BMPR1A: variants seen among roughly 807,000 people sequenced by gnomAD.
BMPR1A encodes bone morphogenetic protein receptor type-1A.
Under a neutral mutation model 66.0 loss-of-function variants are expected in BMPR1A, and 7 were observed. The observed-to-expected ratio is 0.11, with a 90% confidence interval of 0.06 to 0.20. The LOEUF is 0.20. Among genes scored for constraint, BMPR1A ranks in the 10% least tolerant of loss-of-function variants. The probability of loss-of-function intolerance (pLI) is 1.00; values close to 1 mark genes in which losing one functional copy is unlikely to be tolerated. For missense variants in BMPR1A, 408 were observed against 669.1 expected, an observed-to-expected ratio of 0.61 and a Z score of 4.31; for synonymous variants, 200 against 229.7, an observed-to-expected ratio of 0.87 and a Z score of 1.17.
intron 2 of BMPR1A, among the ~76,000 whole-genome samples, chr10:86,848,803 C>T (rs553645157): frequency 6.6e-6 from 1 of 152,226 alleles, no homozygotes; most frequent in Admixed American, 6.5e-5. Flanking sequence ...GTAATTTTTC[C>T]AGCAACCCAG....
At chr10:86,862,157 C>G (rs921592557) in intron 2 of BMPR1A, among the ~76,000 whole-genome samples, 1 of 152,116 alleles carries the variant, frequency 6.6e-6, no homozygotes, top group Non-Finnish European at 1.5e-5. Flanking sequence ...AATTATATAG[C>G]ATGACAAATG....
chr10:86,789,257 A>G (rs1346929046), intron 1 of BMPR1A, among the ~76,000 whole-genome samples: 1 of 152,208 alleles, frequency 6.6e-6, no homozygotes, highest in South Asian at 2.1e-4. Context: ...CAATATGACA[A>G]CAAAGCACAA....
At chr10:86,822,836 G>A (rs1461874033) in intron 1 of BMPR1A, among the ~76,000 whole-genome samples, 1 of 151,748 alleles carries the variant, frequency 6.6e-6, no homozygotes, top group Non-Finnish European at 1.5e-5. Flanking sequence ...CACCATGTTG[G>A]CCAGGCTGGT....
chr10:86,769,164 T>C (rs751021085), intron 1 of BMPR1A, among the ~76,000 whole-genome samples: 2 of 152,212 alleles, frequency 1.3e-5, no homozygotes, highest in Non-Finnish European at 2.9e-5. Flanking sequence ...CAAATTGATA[T>C]AGGAAATTTT....
intron 2 of BMPR1A, chr10:86,856,263 A>G (rs150146345): frequency 5.6e-5 from 29 of 520,266 alleles, no homozygotes; most frequent in Admixed American, 2.2e-4. Context: ...TCTTGTTTCA[A>G]AGTACTTGTC....
At chr10:86,829,175 C>T (rs1377086375) in intron 1 of BMPR1A, among the ~76,000 whole-genome samples, 5 of 151,934 alleles carry the variant, frequency 3.3e-5, no homozygotes, top group Non-Finnish European at 7.4e-5. Context: ...ATTGAAATTT[C>T]GTAGTGATTT....
At chr10:86,778,927 C>CT (rs34496927) in intron 1 of BMPR1A, among the ~76,000 whole-genome samples, 13,154 of 118,474 alleles carry the variant, frequency 0.11, 1,245 homozygotes, top group African/African-American at 0.26. Flanking sequence ...TATGTATTTT[C>CT]TTTTTTTTTT....
chr10:86,866,585 T>G (rs760137933), intron 2 of BMPR1A, among the ~76,000 whole-genome samples: 1 of 151,758 alleles, frequency 6.6e-6, no homozygotes, highest in Admixed American at 6.6e-5. Context: ...ATTTTTTGTA[T>G]TTTTAGTAGA....
rs1843706726 is a variant in BMPR1A at position 86,923,998 on chromosome 10, A to G, written c.*279A>G. The G allele has an allele frequency of 6.4e-6, 3 of 468,740 alleles. No individual in the cohort carries two copies. The highest frequency in any genetic ancestry group is 3.9e-5 in the African/African-American group (2 of 51,794). 29.0% of individuals were successfully genotyped at this position (468,740 alleles called of 1,614,324 possible). A position where few individuals can be genotyped will look rare whatever the true frequency, so the allele number is the denominator to read the frequency against. ...TTTTATGAACTGCATCAAGACTTCA[A>G]TCCTGATTAGTGTCTCCAGTCAAGC... On this transcript the variant is annotated 3_prime_UTR_variant, in exon 13 of 13. Coordinates refer to ENST00000372037, the MANE Select transcript of BMPR1A (RefSeq NM_004329.3).
chr10:86,781,788 A>G (rs763401076), intron 1 of BMPR1A, among the ~76,000 whole-genome samples: 4 of 147,696 alleles, frequency 2.7e-5, no homozygotes, highest in Non-Finnish European at 6.0e-5. Context: ...TTGTTGTTTT[A>G]TGATTGGCGT....
chr10:86,910,064 G>C lies in BMPR1A; in HGVS notation c.531-2176G>C, dbSNP rs930285571. ...TTACCAGTAGGTGGCCGGGCGCAGT[G>C]GCACACATCTGTAATCCCAGCACTT... On this transcript the variant is annotated intron_variant, in intron 7 of 12. Coordinates refer to ENST00000372037, the MANE Select transcript of BMPR1A (RefSeq NM_004329.3). Among the ~76,000 whole-genome samples the C allele has an allele frequency of 5.9e-5, 9 of 152,260 alleles. No individual in the cohort carries two copies. The South Asian group carries it at 1.9e-3, about 32-fold the overall frequency.
intron 1 of BMPR1A, among the ~76,000 whole-genome samples, chr10:86,786,083 G>A (rs73346193): frequency 0.012 from 1,779 of 152,192 alleles, 38 homozygotes; most frequent in African/African-American, 0.04. Flanking sequence ...TGCCACTACT[G>A]CCTGTGTCTG....
intron 5 of BMPR1A, among the ~76,000 whole-genome samples, chr10:86,897,591 T>TC (rs938388377): frequency 6.6e-6 from 1 of 152,048 alleles, no homozygotes; most frequent in African/African-American, 2.4e-5. Flanking sequence ...CTACCTTGTT[T>TC]CCCCCCAACT....
chr10:86,817,214 A>G (rs1842046618), intron 1 of BMPR1A, among the ~76,000 whole-genome samples: 1 of 152,218 alleles, frequency 6.6e-6, no homozygotes, highest in East Asian at 1.9e-4. Flanking sequence ...GAAGCTGAAA[A>G]TATACTCATC....
intron 1 of BMPR1A, among the ~76,000 whole-genome samples, chr10:86,777,890 G>A (rs995952875): frequency 8.6e-5 from 13 of 151,994 alleles, no homozygotes; most frequent in African/African-American, 3.1e-4. Context: ...GTGCATGCAT[G>A]TAATCTCATC....
intron 1 of BMPR1A, among the ~76,000 whole-genome samples, chr10:86,809,064 T>C (rs1379728811): frequency 1.3e-5 from 2 of 152,152 alleles, no homozygotes; most frequent in Non-Finnish European, 2.9e-5. Flanking sequence ...GAGTCGTTCA[T>C]TCATTGTGAA....
intron 7 of BMPR1A, among the ~76,000 whole-genome samples, chr10:86,906,802 C>G (rs1304378599): frequency 6.7e-6 from 1 of 148,356 alleles, no homozygotes; most frequent in Non-Finnish European, 1.5e-5. Flanking sequence ...TTTTGAGACT[C>G]CAATTATACA....
At chr10:86,916,548 G>A (rs1589290339) in intron 8 of BMPR1A, among the ~76,000 whole-genome samples, 1 of 152,208 alleles carries the variant, frequency 6.6e-6, no homozygotes, top group Non-Finnish European at 1.5e-5. Flanking sequence ...AGCAAGTCAT[G>A]TGGCCTAAGC....
chr10:86,767,246 C>G (rs925176088), intron 1 of BMPR1A, among the ~76,000 whole-genome samples: 4 of 152,202 alleles, frequency 2.6e-5, no homozygotes, highest in Non-Finnish European at 5.9e-5. Context: ...CTTATACTCT[C>G]AACTTGTTAT....
Sources: allele counts gnomAD v4.1 joint callset (sites outside exome capture counted in the v4.1 genomes callset), GRCh38; gene constraint gnomAD v4.1.1; transcripts MANE v1.5; gene names NCBI Gene and HGNC (gene_info 2026-07-23, HGNC 2026-07-21).